Variants in PTPRT observed in about 807,000 individuals in gnomAD.
PTPRT encodes the protein protein tyrosine phosphatase receptor type T.
Under a neutral mutation model 176.8 loss-of-function variants are expected in PTPRT, and 56 were observed. The ratio of observed to expected loss-of-function variants is 0.32; its 90% CI spans 0.26 to 0.40. PTPRT has a LOEUF of 0.40. PTPRT is among the 10% of genes least tolerant of loss of function. The pLI is 1.00. For missense variants in PTPRT, 1,540 were observed against 1,908.2 expected (o/e 0.81, Z 3.60); for synonymous variants, 783 against 739.0 (o/e 1.06, Z -0.96).
the PTPRT span, among the ~76,000 whole-genome samples, chr20:42,047,573 T>C: frequency 6.6e-6 from 1 of 152,254 alleles, no homozygotes; most frequent in Admixed American, 6.5e-5. Context: ...TTCTCATACC[T>C]GAATTTAAAT....
intron 16 of PTPRT, among the ~76,000 whole-genome samples, chr20:42,192,017 C>T (rs1489029901): frequency 2.6e-5 from 4 of 152,104 alleles, no homozygotes; most frequent in Non-Finnish European, 5.9e-5. Context: ...TAATACAGCT[C>T]TTAGCTTGGG....
rs114726215 is a variant in PTPRT at position 42,560,400 on chromosome 20, T to A, written c.1154-87838A>T. Among the ~76,000 whole-genome samples, 351 of 152,252 alleles carry A rather than the reference T, an allele frequency of 2.3e-3. 2 individuals carry two copies. The highest frequency in any genetic ancestry group is 7.9e-3 in the African/African-American group (329 of 41,550). On this transcript the variant is annotated intron_variant, in intron 7 of 30. Transcript: ENST00000373187. Reference sequence around the variant, plus strand: ...CTATTGGTATTTGAGGCCAAACAACTGTTTGTGATGGAGGGTCATCTTGTC... The same window carrying A: ...CTATTGGTATTTGAGGCCAAACAACAGTTTGTGATGGAGGGTCATCTTGTC...
Position 42,128,840 on chromosome 20 carries a change from G to A in PTPRT, c.2771-10C>T, listed in dbSNP as rs768881353. ...ACCCGGGAATGGTCGTCTGCAGAGA[G>A]AGCAGAAATCAAGGGGATGGTTGAT... is the stretch of plus-strand genomic sequence containing the variant. On this transcript the variant is annotated splice_polypyrimidine_tract_variant and intron_variant, in intron 18 of 30. Coordinates refer to ENST00000373187, the MANE Select transcript of PTPRT (RefSeq NM_007050.6). The A allele has an allele frequency of 1.9e-6, 3 of 1,599,100 alleles. No individual in the cohort carries two copies. Among genetic ancestry groups the A allele is most frequent in the South Asian group, 1.1e-5 (1 of 88,532 alleles).
At chr20:42,120,019 G>A in intron 19 of PTPRT, 48 bp from the exon 20 acceptor site, 1 of 1,527,974 alleles carries the variant, frequency 6.5e-7, no homozygotes, top group Non-Finnish European at 9.0e-7. Flanking sequence ...GTCAAAGCTT[G>A]CAAACAGCAC....
intron 6 of PTPRT, among the ~76,000 whole-genome samples, chr20:42,743,802 A>G (rs1005526645): frequency 6.6e-6 from 1 of 152,196 alleles, no homozygotes; most frequent in Admixed American, 6.5e-5. Context: ...AGCCACCCCA[A>G]CTGTTGAGAT....
At chr20:42,671,791 C>G (rs932766976) in intron 7 of PTPRT, among the ~76,000 whole-genome samples, 7 of 152,012 alleles carry the variant, frequency 4.6e-5, no homozygotes, top group South Asian at 2.1e-4. Flanking sequence ...GGAAAAGAAA[C>G]AAAATGATAA....
At chr20:42,392,841 G>T (rs1232793789) in intron 9 of PTPRT, among the ~76,000 whole-genome samples, 2 of 152,110 alleles carry the variant, frequency 1.3e-5, no homozygotes, top group African/African-American at 4.8e-5. Context: ...CATGGCTGAG[G>T]CACCTAAAAC....
chr20:42,399,851 A>T (rs955254194), intron 9 of PTPRT, among the ~76,000 whole-genome samples: 7 of 152,192 alleles, frequency 4.6e-5, no homozygotes, highest in African/African-American at 1.7e-4. Context: ...ATCACTTTTC[A>T]CCCGGAAGAA....
At chr20:43,116,066 C>G (rs1433949216) in intron 1 of PTPRT, among the ~76,000 whole-genome samples, 1 of 152,182 alleles carries the variant, frequency 6.6e-6, no homozygotes, top group Non-Finnish European at 1.5e-5. Flanking sequence ...TTGCAGGGGA[C>G]TGAACTCACA....
intron 15 of PTPRT, among the ~76,000 whole-genome samples, chr20:42,225,653 TTTTA>T (rs1433992208): frequency 6.6e-6 from 1 of 152,162 alleles, no homozygotes; most frequent in African/African-American, 2.4e-5. Context: ...ATGTGTCATT[TTTTA>T]TTTATTTATT....
intron 12 of PTPRT, among the ~76,000 whole-genome samples, chr20:42,302,358 C>T (rs772043494): frequency 1.3e-4 from 20 of 152,170 alleles, no homozygotes; most frequent in Non-Finnish European, 2.1e-4. Context: ...TTCCATATCC[C>T]GGAACCAACA....
intron 1 of PTPRT, among the ~76,000 whole-genome samples, chr20:43,126,882 G>A (rs984504765): frequency 6.6e-6 from 1 of 152,102 alleles, no homozygotes; most frequent in Non-Finnish European, 1.5e-5. Context: ...TTCTCAACCT[G>A]GGTCCCAGAA....
intron 13 of PTPRT, among the ~76,000 whole-genome samples, chr20:42,275,593 G>A (rs146298841): frequency 3.8e-4 from 58 of 152,208 alleles, no homozygotes; most frequent in Admixed American, 3.3e-4. Flanking sequence ...TGTGTGTGGC[G>A]GGGGAAGTTT....
chr20:43,158,381 C>T (rs1347641374), intron 1 of PTPRT, among the ~76,000 whole-genome samples: 1 of 152,122 alleles, frequency 6.6e-6, no homozygotes, highest in East Asian at 1.9e-4. Flanking sequence ...GTGGAAATGC[C>T]ACGCAGTTAA....
intron 6 of PTPRT, among the ~76,000 whole-genome samples, chr20:42,719,617 G>A (rs2076276292): frequency 6.6e-6 from 1 of 152,158 alleles, no homozygotes; most frequent in Non-Finnish European, 1.5e-5. Flanking sequence ...ATTGTTAAAG[G>A]CTATTGTGAG....
At chr20:42,611,232 G>A (rs553459351) in intron 7 of PTPRT, among the ~76,000 whole-genome samples, 3 of 152,258 alleles carry the variant, frequency 2.0e-5, no homozygotes, top group African/African-American at 7.2e-5. Context: ...AACTTCTTGA[G>A]GAACTCCCAA....
chr20:43,070,004 T>C (rs942231160), intron 1 of PTPRT, among the ~76,000 whole-genome samples: 21 of 152,194 alleles, frequency 1.4e-4, no homozygotes, highest in African/African-American at 5.1e-4. Flanking sequence ...TATGCCCTTT[T>C]AGAAAACGCT....
intron 9 of PTPRT, among the ~76,000 whole-genome samples, chr20:42,409,221 G>T (rs1244512207): frequency 6.6e-6 from 1 of 152,118 alleles, no homozygotes; most frequent in African/African-American, 2.4e-5. Context: ...AGTGGCTCAT[G>T]CCTGTAATCC....
In PTPRT at chr20:43,106,666, GAAAAA is replaced by G. The variant is rs71193676; in HGVS notation, c.88+82975_88+82979del. Reference sequence around the variant, plus strand: ...ACAGCGAGACTCCATCTCAAAAAAAGAAAAAAAAAAAAAAAAAAAAGGAATGAAGG... The same window carrying G: ...ACAGCGAGACTCCATCTCAAAAAAAGAAAAAAAAAAAAAAAGGAATGAAGG... On this transcript the variant is annotated intron_variant, in intron 1 of 30. Coordinates refer to ENST00000373187, the MANE Select transcript of PTPRT (RefSeq NM_007050.6). Among the ~76,000 whole-genome samples, 206 of 87,016 alleles carry G rather than the reference GAAAAA, an allele frequency of 2.4e-3. 2 individuals carry two copies. The highest frequency in any genetic ancestry group is 8.6e-3 in the African/African-American group (184 of 21,332). The allele number at this position is 87,016 out of a possible 152,430, so 57.1% of individuals were successfully genotyped here. A position where few individuals can be genotyped will look rare whatever the true frequency, so the allele number is the denominator to read the frequency against.
Sources: allele counts gnomAD v4.1 joint callset (sites outside exome capture counted in the v4.1 genomes callset), GRCh38; gene constraint gnomAD v4.1.1; transcripts MANE v1.5; gene names NCBI Gene and HGNC (gene_info 2026-07-23, HGNC 2026-07-21).